The following PREX1 variants were observed in gnomAD, a reference collection of about 807,000 sequenced individuals.
PREX1 encodes phosphatidylinositol 3,4,5-trisphosphate-dependent Rac exchanger 1 protein.
A neutral mutation model predicts 198.3 loss-of-function variants in PREX1; 41 were observed. The ratio of observed to expected loss-of-function variants is 0.21; its 90% CI spans 0.16 to 0.27. PREX1 has a LOEUF of 0.27. PREX1 is among the 10% of genes least tolerant of loss of function. PREX1 has a pLI of 1.00. For missense variants in PREX1, 1,620 were observed against 2,200.7 expected, an observed-to-expected ratio of 0.74 and a Z score of 5.28; for synonymous variants, 843 against 887.2, an observed-to-expected ratio of 0.95 and a Z score of 0.89.
chr20:48,634,566 C>T, intron 33 of PREX1, 110 bp downstream of exon 33: 1 of 1,106,312 alleles, frequency 9.0e-7, no homozygotes, highest in African/African-American at 1.5e-5. Flanking sequence ...ACTGAGCCCA[C>T]CTTGGGCAGC....
chr20:48,834,425 G>A, the PREX1 span, among the ~76,000 whole-genome samples: 4 of 151,944 alleles, frequency 2.6e-5, no homozygotes, highest in Non-Finnish European at 5.9e-5. Context: ...CCAGACACCT[G>A]GCAACCCCAG....
chr20:48,634,846 G>A, intron 32 of PREX1, 71 bp from the exon 33 acceptor site: 15 of 1,377,658 alleles, frequency 1.1e-5, no homozygotes, highest in Non-Finnish European at 1.5e-5. Flanking sequence ...TCAAGATGCT[G>A]AATTCAACTC....
chr20:48,636,748 C>G (rs917050923), intron 31 of PREX1, 65 bp from the exon 32 acceptor site: 7 of 1,438,842 alleles, frequency 4.9e-6, no homozygotes, highest in Non-Finnish European at 5.6e-6. Flanking sequence ...GGCCCACCCC[C>G]CAAAACCCTG....
chr20:48,631,440 G>C (rs2089313695), intron 35 of PREX1, among the ~76,000 whole-genome samples: 2 of 152,182 alleles, frequency 1.3e-5, no homozygotes, highest in Admixed American at 6.5e-5. Context: ...CAAGCACCCG[G>C]AACAGTGCCC....
intron 14 of PREX1, among the ~76,000 whole-genome samples, chr20:48,673,205 C>G (rs1257776948): frequency 6.6e-6 from 1 of 152,148 alleles, no homozygotes; most frequent in Non-Finnish European, 1.5e-5. Flanking sequence ...CTGGAAAGCC[C>G]CATGGCATCT....
intron 2 of PREX1, 152 bp downstream of exon 2, chr20:48,747,657 G>C: frequency 1.3e-6 from 1 of 797,342 alleles, no homozygotes; most frequent in South Asian, 1.7e-5. Flanking sequence ...GGGGCTGAAG[G>C]GAGCAAGCTG....
At chr20:48,861,179 C>T in the PREX1 span, among the ~76,000 whole-genome samples, 173 of 152,226 alleles carry the variant, frequency 1.1e-3, no homozygotes, top group Non-Finnish European at 1.6e-3. Context: ...CAGTGACACT[C>T]TTTAGCCCCA....
the PREX1 span, among the ~76,000 whole-genome samples, chr20:48,863,245 A>G: frequency 2.0e-5 from 3 of 152,260 alleles, no homozygotes; most frequent in South Asian, 2.1e-4. Context: ...AACACCTTGT[A>G]TTAGTGCAGT....
At chr20:48,637,100 C>T (rs2089370997) in intron 31 of PREX1, among the ~76,000 whole-genome samples, 1 of 152,234 alleles carries the variant, frequency 6.6e-6, no homozygotes, top group African/African-American at 2.4e-5. Flanking sequence ...TTAGCATTTT[C>T]TCTATTTTGG....
intron 5 of PREX1, among the ~76,000 whole-genome samples, chr20:48,718,485 T>C (rs891916391): frequency 6.6e-6 from 1 of 151,202 alleles, no homozygotes; most frequent in Non-Finnish European, 1.5e-5. Flanking sequence ...CGCAAAAGCA[T>C]CAAAAAAAGA....
At chr20:48,641,390 A>G (rs1415220950) in intron 29 of PREX1, among the ~76,000 whole-genome samples, 2 of 152,174 alleles carry the variant, frequency 1.3e-5, no homozygotes. Context: ...GGCTTTTCAT[A>G]TATAGGGAGT....
At chr20:48,756,996 G>T (rs1331580919) in intron 1 of PREX1, among the ~76,000 whole-genome samples, 1 of 152,068 alleles carries the variant, frequency 6.6e-6, no homozygotes, top group East Asian at 1.9e-4. Flanking sequence ...ACTATCACGA[G>T]AACGGCATGG....
chr20:48,688,847 A>G (rs1211355217), intron 9 of PREX1, 43 bp from the exon 10 acceptor site: 1 of 1,609,840 alleles, frequency 6.2e-7, no homozygotes, highest in East Asian at 2.2e-5. Flanking sequence ...CACCAGGCCC[A>G]GGGCAGGGGG....
chr20:48,832,833 C>T (rs1600542288), upstream of PREX1, among the ~76,000 whole-genome samples: 1 of 152,192 alleles, frequency 6.6e-6, no homozygotes, highest in Non-Finnish European at 1.5e-5. Context: ...AGTCAGGGCT[C>T]CACAGCTTTG....
chr20:48,631,226 A>G (rs6066789), intron 35 of PREX1, among the ~76,000 whole-genome samples: 13,975 of 152,224 alleles, frequency 0.092, 712 homozygotes, highest in South Asian at 0.15. Flanking sequence ...GTGCACTGGA[A>G]AGTCTCGATC....
chr20:48,665,996 C>T (rs1372066975), intron 15 of PREX1, among the ~76,000 whole-genome samples: 3 of 152,206 alleles, frequency 2.0e-5, no homozygotes, highest in African/African-American at 7.2e-5. Context: ...TTGCTGCCTA[C>T]CCTGGAAGGC....
chr20:48,665,214 C>A (rs966763747), intron 15 of PREX1, among the ~76,000 whole-genome samples: 1 of 145,556 alleles, frequency 6.9e-6, no homozygotes, highest in Middle Eastern at 4.0e-3. Flanking sequence ...CTGCCCCAGA[C>A]GGCCTGAATT....
rs1474761116 is a variant in PREX1 at position 48,786,785 on chromosome 20, TAGAAA to T, written c.220-38910_220-38906del. On this transcript the variant is annotated intron_variant, in intron 1 of 39. Transcript: ENST00000371941. ...AAAGAAAAGAAAAAAAAGAGAAGAG[TAGAAA>T]AGAAAAGAAAGAGAAGGAAGGAAAG... Among the ~76,000 whole-genome samples the T allele has an allele frequency of 8.4e-5, 8 of 95,606 alleles. No individual in the cohort carries two copies. In the South Asian group the frequency reaches 1.8e-3, roughly 21 times the overall value. The allele number at this position is 95,606 out of a possible 152,430, so 62.7% of individuals were successfully genotyped here. A position where few individuals can be genotyped will look rare whatever the true frequency, so the allele number is the denominator to read the frequency against.
intron 1 of PREX1, among the ~76,000 whole-genome samples, chr20:48,793,102 G>A (rs145065089): frequency 1.3e-5 from 2 of 152,194 alleles, no homozygotes; most frequent in Admixed American, 1.3e-4. Flanking sequence ...CTACTTGGAA[G>A]GCTGAGGGGG....
Sources: gnomAD v4.1 joint callset for allele counts (sites outside exome capture counted in the v4.1 genomes callset) on GRCh38, gnomAD v4.1.1 for gene constraint, MANE v1.5 for transcripts, NCBI Gene and HGNC (gene_info 2026-07-23, HGNC 2026-07-21) for gene names.